BCO1: variants seen among roughly 807,000 people sequenced by gnomAD.
The protein encoded by BCO1 is beta,beta-carotene 15,15'-dioxygenase.
A neutral mutation model predicts 56.3 loss-of-function variants in BCO1; 54 were observed. That is an observed-to-expected ratio of 0.96 (90% CI 0.77 to 1.20). BCO1 has a LOEUF of 1.20. BCO1 is among the 50% of genes most tolerant of loss of function. BCO1 has a pLI of 0.00. For synonymous variants in BCO1, 318 were observed against 266.1 expected (o/e 1.20, Z -1.90); for missense variants, 801 against 690.9 (o/e 1.16, Z -1.79).
In BCO1 at chr16:81,277,728, T is replaced by C. The variant is rs191534892; in HGVS notation, c.1102-3129T>C. Among the ~76,000 whole-genome samples the C allele has an allele frequency of 3.5e-3, 533 of 152,320 alleles. 1 individual carries two copies. Among genetic ancestry groups the C allele is most frequent in the Middle Eastern group, 6.8e-3 (2 of 294 alleles). On this transcript the variant is annotated intron_variant, in intron 7 of 10. Coordinates refer to ENST00000258168, the MANE Select transcript of BCO1 (RefSeq NM_017429.3). ...GTTCCCTTAAGTGTCGGGATTTCAA[T>C]GTAAGCTTGCAAGATGGTGCTGGAT...
At chr16:81,257,409 G>A (rs1189212265) in intron 2 of BCO1, among the ~76,000 whole-genome samples, 3 of 151,664 alleles carry the variant, frequency 2.0e-5, no homozygotes, top group African/African-American at 7.3e-5. Flanking sequence ...GGATTACAAG[G>A]GTGTGCCACC....
At chr16:81,285,206 G>GA (rs899543998) in intron 8 of BCO1, among the ~76,000 whole-genome samples, 1 of 151,656 alleles carries the variant, frequency 6.6e-6, no homozygotes, top group Non-Finnish European at 1.5e-5. Context: ...GCACTTTTTT[G>GA]AAAAAAAGCT....
At chr16:81,250,798 C>G (rs1413129938) in intron 2 of BCO1, among the ~76,000 whole-genome samples, 6 of 152,022 alleles carry the variant, frequency 3.9e-5, no homozygotes, top group Non-Finnish European at 8.8e-5. Flanking sequence ...CCAGGTTGGT[C>G]TCGACCTCCT....
intron 8 of BCO1, among the ~76,000 whole-genome samples, chr16:81,283,522 G>A (rs1401957091): frequency 2.0e-5 from 3 of 152,084 alleles, no homozygotes; most frequent in Admixed American, 2.0e-4. Flanking sequence ...GCTGGTCTGA[G>A]AGGGGCCCAG....
chr16:81,242,643 C>T (rs1905185439), intron 1 of BCO1, among the ~76,000 whole-genome samples: 1 of 152,094 alleles, frequency 6.6e-6, no homozygotes, highest in South Asian at 2.1e-4. Flanking sequence ...CTCTGGTCTT[C>T]CTGCCTCTCT....
intron 8 of BCO1, 99 bp downstream of exon 8, chr16:81,281,061 A>G (rs1377360835): frequency 1.2e-6 from 1 of 831,216 alleles, no homozygotes; most frequent in African/African-American, 1.7e-5. Flanking sequence ...GTGCATGGAC[A>G]AGGGCCAAAA....
At chr16:81,285,138 C>G (rs1908102693) in intron 8 of BCO1, among the ~76,000 whole-genome samples, 1 of 152,214 alleles carries the variant, frequency 6.6e-6, no homozygotes, top group South Asian at 2.1e-4. Flanking sequence ...CTGCGCCCAG[C>G]CAGCTTCCCA....
intron 1 of BCO1, among the ~76,000 whole-genome samples, chr16:81,241,594 C>T (rs1181189818): frequency 6.6e-6 from 1 of 152,296 alleles, no homozygotes; most frequent in African/African-American, 2.4e-5. Flanking sequence ...GGGTGGAGCT[C>T]AGCAAGCTGT....
chr16:81,281,085 G>T, intron 8 of BCO1, 123 bp downstream of exon 8: 1 of 725,032 alleles, frequency 1.4e-6, no homozygotes, highest in Non-Finnish European at 2.4e-6. Context: ...AAAGGGTCTT[G>T]GGATGCCCTG....
intron 4 of BCO1, chr16:81,264,225 C>A (rs1906669613): frequency 7.2e-6 from 2 of 276,280 alleles, no homozygotes; most frequent in Non-Finnish European, 1.4e-5. Context: ...AGAACTGTGG[C>A]CAAGATTAGC....
intron 2 of BCO1, among the ~76,000 whole-genome samples, chr16:81,257,249 G>T (rs2151934124): frequency 6.6e-6 from 1 of 152,106 alleles, no homozygotes; most frequent in South Asian, 2.1e-4. Flanking sequence ...TGGGTTTTTT[G>T]TTGTTGTTGC....
chr16:81,244,660 C>T (rs6564862), intron 1 of BCO1, among the ~76,000 whole-genome samples: 58,367 of 151,172 alleles, frequency 0.39, 11,883 homozygotes, highest in African/African-American at 0.52. Context: ...TCAGCCCACC[C>T]GAGGGCTGTT....
chr16:81,245,320 C>G (rs757439308), intron 1 of BCO1, among the ~76,000 whole-genome samples, 155 bp from the exon 2 acceptor site: 14 of 152,212 alleles, frequency 9.2e-5, no homozygotes, highest in Non-Finnish European at 8.8e-5. Context: ...CTGCCCAACA[C>G]ATTATACACT....
At chr16:81,247,755 A>T (rs909145386) in intron 2 of BCO1, among the ~76,000 whole-genome samples, 2 of 151,704 alleles carry the variant, frequency 1.3e-5, no homozygotes, top group Non-Finnish European at 2.9e-5. Flanking sequence ...CGAACTTCCA[A>T]CCTCAGGTGA....
At chr16:81,260,096 G>C (rs998160039) in intron 3 of BCO1, among the ~76,000 whole-genome samples, 2 of 152,152 alleles carry the variant, frequency 1.3e-5, no homozygotes, top group African/African-American at 4.8e-5. Flanking sequence ...CTGCTTACTT[G>C]CATAGAAAAT....
rs1057400617 is a variant in BCO1 at position 81,264,570 on chromosome 16, A to G, written c.472-70A>G. The G allele has an allele frequency of 4.5e-6, 7 of 1,569,810 alleles. No individual in the cohort carries two copies. The Admixed American group carries it at 1.2e-4, about 26-fold the overall frequency. On this transcript the variant is annotated intron_variant, in intron 4 of 10. Transcript: ENST00000258168. ...TTCAACCTTTCTCCTTTGAAAAACCAGATGATGTCATATCTTGCAGGTTGA... is the reference window on the plus strand; with the variant it reads ...TTCAACCTTTCTCCTTTGAAAAACCGGATGATGTCATATCTTGCAGGTTGA...
chr16:81,257,987 G>A (rs1011959816), intron 2 of BCO1, among the ~76,000 whole-genome samples: 95 of 152,052 alleles, frequency 6.2e-4, no homozygotes, highest in Non-Finnish European at 1.6e-4. Flanking sequence ...AATCTCAAGA[G>A]AGAAGCAGGA....
chr16:81,239,680 A>G (rs1490831495), intron 1 of BCO1, among the ~76,000 whole-genome samples: 1 of 152,198 alleles, frequency 6.6e-6, no homozygotes, highest in Non-Finnish European at 1.5e-5. Flanking sequence ...GCACACTTGC[A>G]GGGGATTGCA....
intron 2 of BCO1, among the ~76,000 whole-genome samples, chr16:81,250,901 C>T (rs1905754603): frequency 6.6e-6 from 1 of 152,084 alleles, no homozygotes; most frequent in South Asian, 2.1e-4. Flanking sequence ...GCTTTGAATC[C>T]TGAAAGCTGC....
Sources: gnomAD v4.1 joint callset for allele counts (sites outside exome capture counted in the v4.1 genomes callset) on GRCh38, gnomAD v4.1.1 for gene constraint, MANE v1.5 for transcripts, NCBI Gene and HGNC (gene_info 2026-07-23, HGNC 2026-07-21) for gene names.